Variants in PRDM16 observed in about 807,000 individuals in gnomAD.
PRDM16 encodes the protein histone-lysine N-methyltransferase PRDM16.
PRDM16 carries 23 observed loss-of-function variants against 110.6 expected under a neutral mutation model. That is an observed-to-expected ratio of 0.21 (90% confidence interval 0.15 to 0.29). The LOEUF (loss-of-function observed/expected upper bound fraction) is 0.29. Ranked by LOEUF, PRDM16 falls within the 10% of genes least tolerant of loss-of-function variation. The pLI is 1.00. For synonymous variants in PRDM16, 799 were observed against 781.8 expected (o/e 1.02, Z -0.37); for missense variants, 1,615 against 1,794.3 (o/e 0.90, Z 1.81).
intron 1 of PRDM16, among the ~76,000 whole-genome samples, chr1:3,161,350 C>G (rs1345817234): frequency 1.3e-5 from 2 of 152,148 alleles, no homozygotes; most frequent in Non-Finnish European, 2.9e-5. Context: ...CCGGTCACAG[C>G]CACACCAAGT....
intron 3 of PRDM16, among the ~76,000 whole-genome samples, chr1:3,349,062 G>A (rs1642423510): frequency 6.6e-6 from 1 of 152,212 alleles, no homozygotes; most frequent in South Asian, 2.1e-4. Flanking sequence ...GAGAGGCTGG[G>A]GCTTTGTAAT....
rs139667925 is a variant in PRDM16, at chr1:3,178,561, C to T, written c.38-7564C>T. On this transcript the variant is annotated intron_variant, in intron 1 of 16. Transcript: ENST00000270722. The stretch of plus-strand genomic sequence containing the variant: ...AAACGTGTGTACTTAACTTGAAAAA[C>T]CTCAGGGTCAATAAGGGTTTCAGTC... 3.7e-4 allele frequency among the ~76,000 whole-genome samples: 57 copies of T among 152,308 alleles called. 2 individuals are homozygous for T. The highest frequency in any genetic ancestry group is 1.5e-3 in the Admixed American group (23 of 15,298).
intron 3 of PRDM16, among the ~76,000 whole-genome samples, chr1:3,252,876 C>T (rs1485045540): frequency 6.6e-6 from 1 of 152,042 alleles, no homozygotes; most frequent in Admixed American, 6.6e-5. Flanking sequence ...CCTTGTACTG[C>T]GGGGTGGAGG....
intron 3 of PRDM16, among the ~76,000 whole-genome samples, chr1:3,280,796 A>ACC (rs1444370202): frequency 6.6e-6 from 1 of 152,186 alleles, no homozygotes. Flanking sequence ...CCCGGGCCAT[A>ACC]CCCACCCTGT....
At chr1:3,139,161 C>T (rs1314714645) in intron 1 of PRDM16, among the ~76,000 whole-genome samples, 2 of 147,556 alleles carry the variant, frequency 1.4e-5, no homozygotes, top group East Asian at 2.1e-4. Context: ...CGTTTCAGAG[C>T]GGACGGTTGC....
At chr1:3,336,992 T>C (rs1288878522) in intron 3 of PRDM16, among the ~76,000 whole-genome samples, 3 of 151,444 alleles carry the variant, frequency 2.0e-5, no homozygotes, top group Admixed American at 6.6e-5. Flanking sequence ...TGAATCTGTG[T>C]GTGCATGCAT....
intron 3 of PRDM16, among the ~76,000 whole-genome samples, chr1:3,294,278 T>TG (rs1641039453): frequency 6.6e-6 from 1 of 151,972 alleles, no homozygotes; most frequent in African/African-American, 2.4e-5. Context: ...TGCTGTGGAG[T>TG]GGGGGTGTAT....
intron 1 of PRDM16, among the ~76,000 whole-genome samples, chr1:3,110,492 T>G (rs1224449063): frequency 5.9e-5 from 8 of 135,134 alleles, no homozygotes; most frequent in African/African-American, 1.8e-4. Flanking sequence ...ACACAGTGTC[T>G]GAGGCTCCCC....
At chr1:3,156,158 A>G (rs1216122243) in intron 1 of PRDM16, among the ~76,000 whole-genome samples, 1 of 152,146 alleles carries the variant, frequency 6.6e-6, no homozygotes, top group Non-Finnish European at 1.5e-5. Flanking sequence ...TTCCTCTCCC[A>G]TTTATTTAGA....
At chr1:3,198,867 C>T (rs529510251) in intron 2 of PRDM16, among the ~76,000 whole-genome samples, 1 of 152,176 alleles carries the variant, frequency 6.6e-6, no homozygotes, top group South Asian at 2.1e-4. Flanking sequence ...AAAATACCTA[C>T]GTCCACTCCG....
At chr1:3,315,753 T>C (rs1316471701) in intron 3 of PRDM16, among the ~76,000 whole-genome samples, 1 of 152,152 alleles carries the variant, frequency 6.6e-6, no homozygotes, top group Admixed American at 6.5e-5. Context: ...ATTTAGAGCA[T>C]CCCCGGCGAC....
chr1:3,385,719 C>A (rs1281189048), intron 4 of PRDM16, among the ~76,000 whole-genome samples: 1 of 152,224 alleles, frequency 6.6e-6, no homozygotes, highest in Non-Finnish European at 1.5e-5. Context: ...GAGTCCGCAC[C>A]GGCCAATGAG....
intron 2 of PRDM16, among the ~76,000 whole-genome samples, chr1:3,218,823 A>T (rs1025883586): frequency 6.6e-6 from 1 of 152,222 alleles, no homozygotes; most frequent in African/African-American, 2.4e-5. Context: ...GACAAGGTGG[A>T]CAACCCGAAC....
chr1:3,405,626 C>T lies in PRDM16; in HGVS notation c.1164C>T (p.His388=), dbSNP rs773614460. ...GCCTCAAGCAGCACAAGCATATCCA[C>T]AGCACGGTGAAGCCTTTCATATGTG... ...SSGLKQHKHI[H]STVKPFICEV... Residue 388 remains histidine (H), a synonymous_variant, in exon 8 of 17, where the codon CAC becomes CAT. Coordinates refer to ENST00000270722, the MANE Select transcript of PRDM16 (RefSeq NM_022114.4). The T allele has an allele frequency of 5.6e-6, 9 of 1,605,410 alleles. No individual in the cohort carries two copies. Among genetic ancestry groups the T allele is most frequent in the East Asian group, 2.3e-5 (1 of 44,164 alleles).
chr1:3,404,753 T>C lies in PRDM16; in HGVS notation c.899T>C (p.Met300Thr). 1.9e-6 allele frequency: 3 copies of C among 1,613,486 alleles called. No individual in the cohort carries two copies. The highest frequency in any genetic ancestry group is 2.5e-6 in the Non-Finnish European group (3 of 1,179,970). ...CCTCTGCGCAGCCTGGAGCAGCACA[T>C]GGTCATCCACACGGAGGAGCGCGAG... Reference protein sequence around the residue: ...FPNKYSLEQHMVIHTEEREYK... With the variant: ...FPNKYSLEQHTVIHTEEREYK... The change falls in exon 7 of 17, where the codon ATG becomes ACG. Residue 300 changes from methionine (M) to threonine (T), a missense_variant. This residue lies in a region of PRDM16 where 416 missense variants were observed against 467.1 expected (regional missense o/e 0.89). Transcript: ENST00000270722.
intron 1 of PRDM16, among the ~76,000 whole-genome samples, chr1:3,075,334 A>G (rs1641873488): frequency 6.6e-6 from 1 of 152,262 alleles, no homozygotes; most frequent in South Asian, 2.1e-4. Context: ...TCTGTATGCA[A>G]TTAGTCCATC....
intron 8 of PRDM16, among the ~76,000 whole-genome samples, chr1:3,409,148 GGT>G (rs564751070): frequency 2.0e-4 from 28 of 139,772 alleles, no homozygotes; most frequent in South Asian, 6.9e-4. Flanking sequence ...TGTGAGTGTG[GGT>G]GTGTGTGAGT....
Position 3,345,809 on chromosome 1 carries a change from C to T in PRDM16, c.439-39343C>T, listed in dbSNP as rs181118605. ...TGTGGTCCAGGCCACCCCTTGGTTC[C>T]TCCTGTGCTGCCCTCTCGGGTCCTC... is the stretch of plus-strand genomic sequence containing the variant. On this transcript the variant is annotated intron_variant, in intron 3 of 16. Transcript: ENST00000270722. 6.7e-5 allele frequency among the ~76,000 whole-genome samples: 5 copies of T among 74,266 alleles called. No homozygotes were observed. In the East Asian group the frequency reaches 9.9e-4, roughly 15 times the overall value. The allele number at this position is 74,266 out of a possible 152,430, so 48.7% of individuals were successfully genotyped here. A position where few individuals can be genotyped will look rare whatever the true frequency, so the allele number is the denominator to read the frequency against.
chr1:3,087,481 C>T (rs1328986880), intron 1 of PRDM16, among the ~76,000 whole-genome samples: 1 of 152,194 alleles, frequency 6.6e-6, no homozygotes, highest in Non-Finnish European at 1.5e-5. Flanking sequence ...AGGTTAGGGT[C>T]CTTCCTTGTC....
Sources: allele counts gnomAD v4.1 joint callset (sites outside exome capture counted in the v4.1 genomes callset), GRCh38; gene constraint gnomAD v4.1.1; regional missense constraint gnomAD v4.1.1; transcripts MANE v1.5; gene names NCBI Gene and HGNC (gene_info 2026-07-23, HGNC 2026-07-21).